NDE1: variants seen among roughly 807,000 people sequenced by gnomAD.
NDE1 encodes nudE neurodevelopment protein 1, also known as nuclear distribution protein nudE homolog 1.
In NDE1, 28 loss-of-function variants were observed where a neutral mutation model predicts 43.4. The observed-to-expected ratio is 0.65, with a 90% CI of 0.48 to 0.89. The LOEUF (loss-of-function observed/expected upper bound fraction) is 0.89, where lower values mean the gene tolerates loss of function less well. Among genes scored for constraint, NDE1 ranks in the 40% least tolerant of loss-of-function variants. The probability of loss-of-function intolerance (pLI) is 0.00; values close to 1 mark genes in which losing one functional copy is unlikely to be tolerated. For missense variants in NDE1, 441 were observed against 434.1 expected, an observed-to-expected ratio of 1.02 and a Z score of -0.14; for synonymous variants, 184 against 172.0, an observed-to-expected ratio of 1.07 and a Z score of -0.55.
At chr16:15,676,197 T>C (rs537464735) in intron 3 of NDE1, among the ~76,000 whole-genome samples, 11 of 146,190 alleles carry the variant, frequency 7.5e-5, no homozygotes, top group South Asian at 2.2e-4. Flanking sequence ...TCTCCCTCCT[T>C]CTTTTTCTTT....
In NDE1 at chr16:15,694,250, A is replaced by C. The variant is rs747395451; in HGVS notation, c.789A>C (p.Lys263Asn). 6.2e-7 allele frequency: 1 copy of C among 1,613,556 alleles called. No individual in the cohort carries two copies. Among genetic ancestry groups the C allele is most frequent in the African/African-American group, 1.3e-5 (1 of 74,924 alleles). ...ACATTGTGGGAGACCTACTGCGGAA[A>C]GTCGGGGTAAGACCACACTTTCCTG... ...ALNIVGDLLRKVGALESKLAS... is the reference protein window; with the variant it reads ...ALNIVGDLLRNVGALESKLAS... The change falls in exon 7 of 9, where the codon AAA becomes AAC. Residue 263 changes from lysine (K) to asparagine (N), a missense_variant. Coordinates refer to ENST00000396354, the MANE Select transcript of NDE1 (RefSeq NM_017668.3).
At chr16:15,647,909 T>C (rs924720280), upstream of NDE1, among the ~76,000 whole-genome samples, 18 of 151,946 alleles carry the variant, frequency 1.2e-4, no homozygotes, top group African/African-American at 4.1e-4. Flanking sequence ...GGTGCACACC[T>C]GTGGTCCTAG....
rs999181961 is a variant in NDE1, at chr16:15,651,963, A to T, written c.-44+1669A>T. On this transcript the variant is annotated intron_variant, in intron 1 of 8. Transcript: ENST00000396354. ...CTTGTTCTTGTCCAGGCTGGAGTGC[A>T]GTGGCATGATCTCGACTCACTGCAA... The T allele has an allele frequency of 9.2e-5, 14 of 152,018 alleles. No homozygotes were observed. The East Asian group carries it at 2.7e-3, about 30-fold the overall frequency. 9.4% of individuals were successfully genotyped at this position (152,018 alleles called of 1,614,324 possible).
At chr16:15,695,645 C>T in intron 7 of NDE1, 2 of 985,272 alleles carry the variant, frequency 2.0e-6, no homozygotes, top group Non-Finnish European at 2.4e-6. Flanking sequence ...GCCTAGAAGG[C>T]CACATAATTT....
chr16:15,694,388 C>G, intron 7 of NDE1, 132 bp downstream of exon 7: 1 of 1,530,200 alleles, frequency 6.5e-7, no homozygotes, highest in East Asian at 2.5e-5. Flanking sequence ...CTCTGTTGCT[C>G]AGGCTGGAGT....
upstream of NDE1, among the ~76,000 whole-genome samples, chr16:15,646,375 G>A (rs1417729220): frequency 2.6e-5 from 4 of 151,634 alleles, no homozygotes; most frequent in African/African-American, 7.3e-5. Context: ...TCAGGAGTTC[G>A]AGACCAGCCT....
rs760206262 is a variant in NDE1, at chr16:15,691,196, C to T, written c.576C>T (p.Pro192=). Residue 192 remains proline, a synonymous_variant, in exon 6 of 9, where the codon CCC becomes CCT. Transcript: ENST00000396354. ...AGAAGCAGGAGAAACCCAGGACCCC[C>T]ATGCCCAGCTCAGTGGAAGCTGAGA... ...VQQKQEKPRT[P]MPSSVEAERT... The T allele has an allele frequency of 6.2e-7, 1 of 1,614,190 alleles. No individual in the cohort carries two copies. The highest frequency in any genetic ancestry group is 1.3e-5 in the African/African-American group (1 of 75,056).
intron 8 of NDE1, chr16:15,714,559 G>A: frequency 2.3e-6 from 1 of 430,864 alleles, no homozygotes. Context: ...GCGGGGGGTG[G>A]TGTTGCAGCT....
chr16:15,724,676 C>T lies in NDE1; in HGVS notation c.*425C>T, dbSNP rs1398265916. On this transcript the variant is annotated 3_prime_UTR_variant, in exon 9 of 9. Transcript: ENST00000396354. The stretch of plus-strand genomic sequence containing the variant: ...ATGTTGAGAGTGGAGATGTGGCGCT[C>T]CAGGTTCTGCTTGGCCTCCATCTCC... 1 of 1,614,178 alleles carries T rather than the reference C, an allele frequency of 6.2e-7. No homozygotes were observed. Among genetic ancestry groups the T allele is most frequent in the Non-Finnish European group, 8.5e-7 (1 of 1,180,020 alleles).
Position 15,718,355 on chromosome 16 carries a change from A to G in NDE1, c.948-5836A>G, listed in dbSNP as rs999924172. ...GCGGACCCGGTCGCTCATGGCCTCC[A>G]TGTTGCCCTGCTCCTCCTCCAGCTC... is the stretch of plus-strand genomic sequence containing the variant. On this transcript the variant is annotated intron_variant, in intron 8 of 8. Transcript: ENST00000396354. 9.9e-6 allele frequency: 16 copies of G among 1,608,536 alleles called. No individual in the cohort carries two copies. Among genetic ancestry groups the G allele is most frequent in the African/African-American group, 1.3e-5 (1 of 74,882 alleles).
chr16:15,661,967 TC>T (rs2037068987), intron 1 of NDE1, among the ~76,000 whole-genome samples: 1 of 151,870 alleles, frequency 6.6e-6, no homozygotes, highest in Admixed American at 6.6e-5. Flanking sequence ...AAGGTCTCAC[TC>T]TCTTGCCCAG....
intron 1 of NDE1, among the ~76,000 whole-genome samples, chr16:15,660,050 A>G (rs570106315): frequency 1.2e-4 from 18 of 152,224 alleles, no homozygotes; most frequent in African/African-American, 4.1e-4. Context: ...TCTGGCCTGG[A>G]CACAATCTTA....
chr16:15,715,562 G>C lies in NDE1; in HGVS notation c.948-8629G>C, dbSNP rs186230432. 3.3e-5 allele frequency among the ~76,000 whole-genome samples: 5 copies of C among 152,330 alleles called. No individual in the cohort carries two copies. In the East Asian group the frequency reaches 9.7e-4, roughly 29 times the overall value. On this transcript the variant is annotated intron_variant, in intron 8 of 8. Transcript: ENST00000396354. ...AGTGTCCAGAATAGATAAATTCATA[G>C]AGACAGAAAGTAGATTATGGTTGCC...
chr16:15,656,537 A>ATTC (rs1000828001), intron 1 of NDE1, among the ~76,000 whole-genome samples: 6 of 151,532 alleles, frequency 4.0e-5, no homozygotes, highest in Admixed American at 1.3e-4. Context: ...TATTATTATT[A>ATTC]TTATTACTCT....
chr16:15,702,164 G>C (rs2039240985), intron 8 of NDE1: 1 of 152,218 alleles, frequency 6.6e-6, no homozygotes, highest in Non-Finnish European at 1.5e-5. Context: ...AAATCTGTCT[G>C]ATCCCATGGA....
intron 8 of NDE1, among the ~76,000 whole-genome samples, chr16:15,702,570 C>CA (rs1188841731): frequency 1.2e-4 from 18 of 150,870 alleles, no homozygotes; most frequent in African/African-American, 3.4e-4. Flanking sequence ...ACAACAACAA[C>CA]AAAAAAACAC....
intron 7 of NDE1, chr16:15,695,385 G>A (rs1353713710): frequency 9.2e-6 from 5 of 543,794 alleles, no homozygotes; most frequent in Non-Finnish European, 1.2e-5. Flanking sequence ...GTGGGCACCT[G>A]CGATCCCAGC....
intron 4 of NDE1, among the ~76,000 whole-genome samples, chr16:15,682,133 G>A (rs16967569): frequency 0.062 from 9,385 of 152,168 alleles, 996 homozygotes; most frequent in African/African-American, 0.21. Context: ...TTAAAAATCG[G>A]ATGAGGTAGA....
At position 15,718,410 on chromosome 16, in the gene NDE1, G is replaced by C. The variant is rs2040284764; in HGVS notation, c.948-5781G>C. On this transcript the variant is annotated intron_variant, in intron 8 of 8. Coordinates refer to ENST00000396354, the MANE Select transcript of NDE1 (RefSeq NM_017668.3). ...TCCAGCTGGGCGATCCGGGCCTCCA[G>C]GCGGCGCTTCTCGTCCTGGAGTGCG... 1 of 1,588,660 alleles carries C rather than the reference G, an allele frequency of 6.3e-7. No homozygotes were observed. Among genetic ancestry groups the C allele is most frequent in the Non-Finnish European group, 8.6e-7 (1 of 1,168,790 alleles).
Sources: allele counts gnomAD v4.1 joint callset (sites outside exome capture counted in the v4.1 genomes callset), GRCh38; gene constraint gnomAD v4.1.1; transcripts MANE v1.5; gene names NCBI Gene and HGNC (gene_info 2026-07-23, HGNC 2026-07-21).